ADD1: variants seen among roughly 807,000 people sequenced by gnomAD.
ADD1 encodes the protein alpha-adducin.
Under a neutral mutation model 80.5 loss-of-function variants are expected in ADD1, and 24 were observed. The observed-to-expected ratio is 0.30, with a 90% CI of 0.22 to 0.42. The LOEUF is 0.42. Among genes scored for constraint, ADD1 ranks in the 10% least tolerant of loss-of-function variants. ADD1 has a pLI of 1.00. For missense variants in ADD1, 948 were observed against 1,019.0 expected, an observed-to-expected ratio of 0.93 and a Z score of 0.95; for synonymous variants, 373 against 393.8, an observed-to-expected ratio of 0.95 and a Z score of 0.63.
intron 1 of ADD1, among the ~76,000 whole-genome samples, chr4:2,860,571 A>G (rs1034296995): frequency 6.6e-6 from 1 of 152,186 alleles, no homozygotes; most frequent in Non-Finnish European, 1.5e-5. Context: ...CTGGAAATGT[A>G]TTTGTTCTTC....
chr4:2,878,539 G>C (rs35508581), intron 2 of ADD1, among the ~76,000 whole-genome samples: 2,649 of 152,234 alleles, frequency 0.017, 56 homozygotes, highest in African/African-American at 0.045. Flanking sequence ...AGTTGAAACT[G>C]ATAGCACCTA....
chr4:2,859,125 C>A lies in ADD1; in HGVS notation c.-21+15101C>A, dbSNP rs561950991. 7.2e-5 allele frequency among the ~76,000 whole-genome samples: 11 copies of A among 152,050 alleles called. No individual in the cohort carries two copies. The South Asian group carries it at 1.9e-3, about 26-fold the overall frequency. On this transcript the variant is annotated intron_variant, in intron 1 of 15. Transcript: ENST00000683351. ...AACATACCATTCATCAAAATAAATC[C>A]CAGGTGGATTAAAAAGAAATGTTTA...
intron 1 of ADD1, among the ~76,000 whole-genome samples, chr4:2,858,424 A>G (rs755818604): frequency 6.6e-6 from 1 of 152,212 alleles, no homozygotes; most frequent in Non-Finnish European, 1.5e-5. Flanking sequence ...AAATGTGCCT[A>G]AGGTTACGCG....
Position 2,914,842 on chromosome 4 carries a change from C to A in ADD1, c.1792-42C>A, listed in dbSNP as rs145249889. On this transcript the variant is annotated intron_variant, in intron 13 of 15. Transcript: ENST00000683351. ...GCCTGGGAGGAGGGAGAGTCCCCAT[C>A]GGGCCGGGCTCCTGCAGACCAGATG... 108 of 1,546,168 alleles carry A rather than the reference C, an allele frequency of 7.0e-5. 1 individual carries two copies. In the East Asian group the frequency reaches 2.5e-3, roughly 36 times the overall value.
At chr4:2,862,069 C>T (rs939884347) in intron 1 of ADD1, among the ~76,000 whole-genome samples, 2 of 152,122 alleles carry the variant, frequency 1.3e-5, no homozygotes, top group Non-Finnish European at 2.9e-5. Context: ...GGAAGACAAG[C>T]AGCTCAGGGT....
chr4:2,872,028 AT>A (rs1730532359), intron 1 of ADD1, among the ~76,000 whole-genome samples: 1 of 152,120 alleles, frequency 6.6e-6, no homozygotes, highest in African/African-American at 2.4e-5. Context: ...TAGAGAATGG[AT>A]TGTTGTGGGG....
At chr4:2,876,971 C>A (rs914923116) in intron 2 of ADD1, among the ~76,000 whole-genome samples, 2 of 149,498 alleles carry the variant, frequency 1.3e-5, no homozygotes, top group African/African-American at 5.0e-5. Context: ...TACTGCACTC[C>A]AGCCTGGGCA....
intron 9 of ADD1, chr4:2,900,372 A>G (rs1300293759): frequency 6.6e-6 from 1 of 152,178 alleles, no homozygotes; most frequent in Admixed American, 6.6e-5. Flanking sequence ...TGCACATCAG[A>G]CCTCTTAGAT....
intron 14 of ADD1, among the ~76,000 whole-genome samples, chr4:2,925,471 T>G (rs1740810360): frequency 6.6e-6 from 1 of 152,244 alleles, no homozygotes; most frequent in South Asian, 2.1e-4. Flanking sequence ...ATATCCAGGA[T>G]CCTAGTTCCT....
chr4:2,846,944 C>T (rs901947537), intron 1 of ADD1, among the ~76,000 whole-genome samples: 2 of 151,904 alleles, frequency 1.3e-5, no homozygotes, highest in East Asian at 3.8e-4. Flanking sequence ...GGTGAAATCC[C>T]GTCTCTACTA....
chr4:2,874,589 AGAGT>A (rs1375846045), intron 1 of ADD1, among the ~76,000 whole-genome samples: 2 of 150,330 alleles, frequency 1.3e-5, no homozygotes, highest in African/African-American at 4.9e-5. Context: ...AATGAGCGAC[AGAGT>A]GAGACTGTCT....
At chr4:2,922,202 G>A (rs1170969651) in intron 14 of ADD1, among the ~76,000 whole-genome samples, 2 of 152,110 alleles carry the variant, frequency 1.3e-5, no homozygotes, top group African/African-American at 4.8e-5. Flanking sequence ...TGATCCTTTG[G>A]AGGAGAAGAG....
chr4:2,852,039 A>G (rs1418416275), intron 1 of ADD1, among the ~76,000 whole-genome samples: 1 of 151,986 alleles, frequency 6.6e-6, no homozygotes, highest in Non-Finnish European at 1.5e-5. Flanking sequence ...GGGTTTCCCC[A>G]TGTTGAGGCT....
chr4:2,929,775 A>T lies in ADD1; in HGVS notation c.*1252A>T, dbSNP rs1297043969. The T allele has an allele frequency of 1.3e-5, 2 of 152,624 alleles. No homozygotes were observed. Among genetic ancestry groups the T allele is most frequent in the East Asian group, 3.9e-4 (2 of 5,190 alleles). The allele number at this position is 152,624 out of a possible 1,614,324, so 9.5% of individuals were successfully genotyped here. ...CTGCATGGCACTGACCGCCGCTTCC[A>T]GCTTCCTCTGAGCCGCAGGGCCTGC... On this transcript the variant is annotated 3_prime_UTR_variant, in exon 16 of 16. Transcript: ENST00000683351.
rs906245085 is a variant in ADD1 at position 2,928,812 on chromosome 4, G to GC, written c.*290dup. 2 of 373,718 alleles carry GC rather than the reference G, an allele frequency of 5.4e-6. No individual in the cohort carries two copies. Among genetic ancestry groups the GC allele is most frequent in the African/African-American group, 4.3e-5 (2 of 46,648 alleles). 23.2% of individuals were successfully genotyped at this position (373,718 alleles called of 1,614,324 possible). ...TGGTCCTGGCTGGAAGGTACTGAAG[G>GC]CTTCTGCAGCTTTGGCTGCACGTCA... On this transcript the variant is annotated 3_prime_UTR_variant, in exon 16 of 16. Transcript: ENST00000683351.
At chr4:2,901,411 G>C (rs546791190) in intron 9 of ADD1, 1 of 152,288 alleles carries the variant, frequency 6.6e-6, no homozygotes, top group Admixed American at 6.5e-5. Context: ...TGATTTGGTA[G>C]GGAAGGAAGA....
chr4:2,854,145 A>G (rs1224419523), intron 1 of ADD1, among the ~76,000 whole-genome samples: 3 of 151,552 alleles, frequency 2.0e-5, no homozygotes, highest in Non-Finnish European at 2.9e-5. Flanking sequence ...GACATGGTGA[A>G]ACCCCATCTG....
chr4:2,928,573 C>CGGCCG lies in ADD1; in HGVS notation c.*51_*52insGCCGG. On this transcript the variant is annotated 3_prime_UTR_variant, in exon 16 of 16. Transcript: ENST00000683351. Reference sequence around the variant, plus strand: ...TCCGGAGCGACCCTGGCTCTGCCAGCGTCCCCGGCCACGTCTGTGCTCTGT... The same window carrying CGGCCG: ...TCCGGAGCGACCCTGGCTCTGCCAGCGGCCGGTCCCCGGCCACGTCTGTGCTCTGT... 6.4e-7 allele frequency: 1 copy of CGGCCG among 1,557,514 alleles called. No homozygotes were observed. The highest frequency in any genetic ancestry group is 8.7e-7 in the Non-Finnish European group (1 of 1,146,164).
chr4:2,918,137 G>A (rs1739387298), intron 14 of ADD1, among the ~76,000 whole-genome samples: 1 of 152,182 alleles, frequency 6.6e-6, no homozygotes, highest in Admixed American at 6.5e-5. Context: ...TCACAATACT[G>A]ATTCTTTGTA....
Sources: allele counts gnomAD v4.1 joint callset (sites outside exome capture counted in the v4.1 genomes callset), GRCh38; gene constraint gnomAD v4.1.1; transcripts MANE v1.5; gene names NCBI Gene and HGNC (gene_info 2026-07-23, HGNC 2026-07-21).